Variants in ZNF280B observed in about 807,000 individuals in gnomAD.
The protein encoded by ZNF280B is zinc finger protein 280B, also known as suppressor of hairy wing homolog 2.
In ZNF280B, 16 loss-of-function variants were observed where a neutral mutation model predicts 38.0. The ratio of observed to expected loss-of-function variants is 0.42; its 90% confidence interval spans 0.28 to 0.64. The LOEUF is 0.64. Ranked by LOEUF, ZNF280B falls within the 30% of genes least tolerant of loss-of-function variation. The pLI is 0.21. For synonymous variants in ZNF280B, 253 were observed against 230.6 expected (o/e 1.10, Z -0.88); for missense variants, 581 against 639.6 (o/e 0.91, Z 0.99).
At chr22:22,496,494 T>C (rs896238216) in intron 2 of ZNF280B, among the ~76,000 whole-genome samples, 4 of 151,980 alleles carry the variant, frequency 2.6e-5, no homozygotes, top group African/African-American at 9.7e-5. Context: ...AAAAGTTATT[T>C]TTGTTTTATT....
chr22:22,500,365 T>TTA (rs58002237), intron 2 of ZNF280B, among the ~76,000 whole-genome samples: 3,758 of 149,716 alleles, frequency 0.025, 68 homozygotes, highest in Middle Eastern at 0.1. Context: ...AAACAAAATA[T>TTA]TATATATATA....
intron 2 of ZNF280B, among the ~76,000 whole-genome samples, chr22:22,506,314 T>TAAA (rs577004824): frequency 6.9e-6 from 1 of 145,982 alleles, no homozygotes; most frequent in African/African-American, 2.5e-5. Flanking sequence ...TAAAGGAAAT[T>TAAA]AAAAAAAAAA....
At chr22:22,490,048 G>A (rs1400460499) in intron 3 of ZNF280B, among the ~76,000 whole-genome samples, 1 of 151,786 alleles carries the variant, frequency 6.6e-6, no homozygotes, top group Non-Finnish European at 1.5e-5. Context: ...TAGAAAAGAG[G>A]TATTAAATTT....
intron 2 of ZNF280B, 110 bp downstream of exon 2, chr22:22,507,700 A>C (rs577684059): frequency 6.6e-6 from 1 of 151,956 alleles, no homozygotes; most frequent in Non-Finnish European, 1.5e-5. Context: ...CCCTCAGTAA[A>C]ATATTGAATA....
intron 1 of ZNF280B, among the ~76,000 whole-genome samples, 156 bp downstream of exon 1, chr22:22,508,503 C>T (rs1346765884): frequency 6.6e-6 from 1 of 151,814 alleles, no homozygotes; most frequent in African/African-American, 2.4e-5. Context: ...TGCTTCTGCC[C>T]TGCACTCCCC....
At chr22:22,493,893 G>A (rs1211891012) in intron 3 of ZNF280B, among the ~76,000 whole-genome samples, 170 bp downstream of exon 3, 1 of 151,866 alleles carries the variant, frequency 6.6e-6, no homozygotes, top group Non-Finnish European at 1.5e-5. Context: ...GTTATGCTAT[G>A]GGCTGAACTG....
intron 2 of ZNF280B, among the ~76,000 whole-genome samples, chr22:22,499,494 C>T (rs904718659): frequency 2.6e-5 from 4 of 151,630 alleles, no homozygotes; most frequent in East Asian, 2.0e-4. Context: ...CTCGAACTCC[C>T]GACCTCAGGT....
At chr22:22,491,457 C>CTTTTTTTT (rs55720546) in intron 3 of ZNF280B, among the ~76,000 whole-genome samples, 11 of 113,968 alleles carry the variant, frequency 9.7e-5, no homozygotes, top group East Asian at 2.4e-4. Context: ...TGTCTTTTTT[C>CTTTTTTTT]TTTTTTTTTT....
At chr22:22,490,798 C>A (rs914343174) in intron 3 of ZNF280B, among the ~76,000 whole-genome samples, 13 of 151,792 alleles carry the variant, frequency 8.6e-5, no homozygotes, top group Admixed American at 2.6e-4. Flanking sequence ...ATACTAAGCT[C>A]TTTTCCTTGC....
At chr22:22,499,103 T>A (rs1440432402) in intron 2 of ZNF280B, among the ~76,000 whole-genome samples, 3 of 149,514 alleles carry the variant, frequency 2.0e-5, no homozygotes, top group Non-Finnish European at 4.5e-5. Context: ...CCAGCCAATA[T>A]CCCTTACAGA....
At chr22:22,496,625 G>A (rs1329958598) in intron 2 of ZNF280B, among the ~76,000 whole-genome samples, 1 of 151,678 alleles carries the variant, frequency 6.6e-6, no homozygotes, top group Middle Eastern at 3.2e-3. Context: ...AACGTGTAGA[G>A]TTATTTGTGG....
chr22:22,493,364 G>C (rs2061635198), intron 3 of ZNF280B, among the ~76,000 whole-genome samples: 1 of 151,964 alleles, frequency 6.6e-6, no homozygotes, highest in Non-Finnish European at 1.5e-5. Context: ...AAGTTATATG[G>C]AGGGTTTGTA....
intron 2 of ZNF280B, among the ~76,000 whole-genome samples, chr22:22,505,755 T>C (rs937163726): frequency 3.3e-5 from 5 of 151,722 alleles, no homozygotes; most frequent in African/African-American, 7.3e-5. Context: ...CGAAACTCCA[T>C]CTCAAAAAAT....
At chr22:22,498,202 G>A (rs2061740384) in intron 2 of ZNF280B, among the ~76,000 whole-genome samples, 1 of 151,962 alleles carries the variant, frequency 6.6e-6, no homozygotes, top group Non-Finnish European at 1.5e-5. Flanking sequence ...AGATAGGAAA[G>A]GGAAAATGGT....
rs138673230 is a variant in ZNF280B, at chr22:22,487,795, T to C, written c.1604A>G (p.Lys535Arg). The C allele has an allele frequency of 2.5e-6, 4 of 1,581,710 alleles. No individual in the cohort carries two copies. In the African/African-American group the frequency reaches 5.5e-5, roughly 22 times the overall value. ...ATGGGACTTTTTTGAAATTTTGCTT[T>C]TAGACCTGGGGAGTGATGGTTCAGA... ...SDSEPSLPRS[K>R]SKISKKSH Residue 535 changes from lysine to arginine, a missense_variant, in exon 4 of 4, where the codon AAA becomes AGA. By Grantham distance (26) the Lys-to-Arg change is conservative (BLOSUM62 2). Coordinates refer to ENST00000626650, the MANE Select transcript of ZNF280B (RefSeq NM_080764.4).
chr22:22,495,852 GGCACAGTCTTGT>G (rs1366288161), intron 2 of ZNF280B, among the ~76,000 whole-genome samples: 1 of 151,226 alleles, frequency 6.6e-6, no homozygotes, highest in Non-Finnish European at 1.5e-5. Context: ...GGAGTGCAGT[GGCACAGTCTTGT>G]GCACAGTCTT....
At chr22:22,506,628 A>G (rs1377120280) in intron 2 of ZNF280B, among the ~76,000 whole-genome samples, 1 of 151,838 alleles carries the variant, frequency 6.6e-6, no homozygotes, top group African/African-American at 2.4e-5. Context: ...ATCAAAAACG[A>G]GATCTTTAAG....
chr22:22,504,010 T>A (rs1001983784), intron 2 of ZNF280B, among the ~76,000 whole-genome samples: 1 of 152,004 alleles, frequency 6.6e-6, no homozygotes, highest in Non-Finnish European at 1.5e-5. Flanking sequence ...AGCTCAACTC[T>A]CAGAATTGTA....
At chr22:22,491,457 CTTTTTT>C (rs55720546) in intron 3 of ZNF280B, among the ~76,000 whole-genome samples, 5 of 113,976 alleles carry the variant, frequency 4.4e-5, no homozygotes, top group Admixed American at 1.0e-4. Flanking sequence ...TGTCTTTTTT[CTTTTTT>C]TTTTTTTTTT....
Sources: gnomAD v4.1 joint callset for allele counts (sites outside exome capture counted in the v4.1 genomes callset) on GRCh38, gnomAD v4.1.1 for gene constraint, MANE v1.5 for transcripts, NCBI Gene and HGNC (gene_info 2026-07-23, HGNC 2026-07-21) for gene names.